Variants in MICALL2 observed in about 807,000 individuals in gnomAD.
MICALL2 encodes the protein MICAL-like protein 2.
Under a neutral mutation model 91.1 loss-of-function variants are expected in MICALL2, and 111 were observed. The ratio of observed to expected loss-of-function variants is 1.22; its 90% confidence interval spans 1.04 to 1.43. The LOEUF (loss-of-function observed/expected upper bound fraction) is 1.43. MICALL2 is among the 40% of genes most tolerant of loss of function. The pLI, the probability that MICALL2 is intolerant of heterozygous loss-of-function variation, is 0.00. For missense variants in MICALL2, 1,556 were observed against 1,236.0 expected (o/e 1.26, Z -3.88); for synonymous variants, 694 against 525.3 (o/e 1.32, Z -4.39).
At chr7:1,446,138 C>T (rs113808515) in intron 5 of MICALL2, among the ~76,000 whole-genome samples, 1,130 of 72,002 alleles carry the variant, frequency 0.016, 38 homozygotes, top group African/African-American at 0.061. Context: ...AGCAACAGAG[C>T]GGGGGGTGGG....
chr7:1,434,390 G>A lies in MICALL2; in HGVS notation c.*206C>T. 2.9e-6 allele frequency: 2 copies of A among 683,684 alleles called. No individual in the cohort carries two copies. Among genetic ancestry groups the A allele is most frequent in the Admixed American group, 2.1e-5 (1 of 48,766 alleles). The allele number at this position is 683,684 out of a possible 1,614,324, so 42.4% of individuals were successfully genotyped here. On this transcript the variant is annotated 3_prime_UTR_variant, in exon 17 of 17. Transcript: ENST00000297508. ...GCCATGTGGTCGGTTTCTTTATTGA[G>A]ACCACAGACGGTAGCGCAGGTCCCT...
rs751058585 is a variant in MICALL2 at position 1,436,712 on chromosome 7, T to A, written c.2591+30A>T. 1.4e-5 allele frequency: 22 copies of A among 1,564,252 alleles called. No homozygotes were observed. In the Admixed American group the frequency reaches 2.1e-4, roughly 15 times the overall value. On this transcript the variant is annotated intron_variant, in intron 15 of 16. Coordinates refer to ENST00000297508, the MANE Select transcript of MICALL2 (RefSeq NM_182924.4). ...CATGGACCAGGCGACCTGGCCTGGC[T>A]GGGAGGGGCCCCCGGCACCTGCCCC...
intron 9 of MICALL2, chr7:1,439,672 C>A (rs1012474579): frequency 2.5e-6 from 1 of 404,858 alleles, no homozygotes; most frequent in Non-Finnish European, 4.3e-6. Context: ...CACATGAACA[C>A]AGATGTACAC....
rs1347945541 is a variant in MICALL2, at chr7:1,445,382, T to A, written c.688A>T (p.Thr230Ser). The A allele has an allele frequency of 6.3e-7, 1 of 1,580,882 alleles. No individual in the cohort carries two copies. The highest frequency in any genetic ancestry group is 2.3e-5 in the East Asian group (1 of 43,606). The change falls in exon 6 of 17, where the codon ACA becomes TCA. Residue 230 changes from threonine (T) to serine (S), a missense_variant. Thr to Ser is a moderately conservative substitution (Grantham distance 58). Transcript: ENST00000297508. Reference protein sequence around the residue: ...CTLHSGAYKATGEPGTFVCTS... With the variant: ...CTLHSGAYKASGEPGTFVCTS... The stretch of plus-strand genomic sequence containing the variant: ...CAGACGAAGGTGCCCGGCTCTCCTG[T>A]GGCCTTGTAGGCCCCCGAGTGCAGC...
At position 1,445,354 on chromosome 7, in the gene MICALL2, G is replaced by C. The variant is rs1206963897; in HGVS notation, c.716C>G (p.Thr239Ser). The C allele has an allele frequency of 6.3e-7, 1 of 1,598,348 alleles. No individual in the cohort carries two copies. The highest frequency in any genetic ancestry group is 8.5e-7 in the Non-Finnish European group (1 of 1,176,694). ...ATGEPGTFVC[T>S]SHLPAAASAS... ...AGAGGCGGCTGCGGGGAGGTGGCTGGTGCAGACGAAGGTGCCCGGCTCTCC... is the reference window on the plus strand; with the variant it reads ...AGAGGCGGCTGCGGGGAGGTGGCTGCTGCAGACGAAGGTGCCCGGCTCTCC... Residue 239 changes from threonine (T) to serine (S), a missense_variant, in exon 6 of 17, where the codon ACC becomes AGC. Coordinates refer to ENST00000297508, the MANE Select transcript of MICALL2 (RefSeq NM_182924.4).
rs1002136235 is a variant in MICALL2 at position 1,447,674 on chromosome 7, G to A, written c.426C>T (p.Pro142=). 1 of 1,585,674 alleles carries A rather than the reference G, an allele frequency of 6.3e-7. No homozygotes were observed. Among genetic ancestry groups the A allele is most frequent in the South Asian group, 1.2e-5 (1 of 86,898 alleles). Residue 142 remains proline (P), a synonymous_variant, in exon 4 of 17, where the codon CCC becomes CCT. Coordinates refer to ENST00000297508, the MANE Select transcript of MICALL2 (RefSeq NM_182924.4). ...GAGGCTTCCGGGCTGGGGCGGGCGAGGGCAGCTTGGCCGCCTGGACTGGAG... is the reference window on the plus strand; with the variant it reads ...GAGGCTTCCGGGCTGGGGCGGGCGAAGGCAGCTTGGCCGCCTGGACTGGAG... The part of the protein sequence containing the change: ...KKAPVQAAKL[P]SPAPARKPPL...
In MICALL2 at chr7:1,435,136, T is replaced by C; in HGVS notation, c.2603A>G (p.Glu868Gly). ...AATCATGTCCCGCAGCATCTGATCC[T>C]CCTCTTGTTCCCTGAAACGGGACCA... ...LDEDRLREQE[E>G]DQMLRDMIEK... The change falls in exon 16 of 17, where the codon GAG (glutamate) becomes GGG (glycine). Residue 868 changes from glutamate to glycine, a missense_variant. By Grantham distance (98) the Glu-to-Gly change is moderately conservative. Coordinates refer to ENST00000297508, the MANE Select transcript of MICALL2 (RefSeq NM_182924.4). 1 of 1,613,298 alleles carries C rather than the reference T, an allele frequency of 6.2e-7. No individual in the cohort carries two copies. The highest frequency in any genetic ancestry group is 2.2e-5 in the East Asian group (1 of 44,846).
chr7:1,439,100 C>A, intron 9 of MICALL2, 105 bp from the exon 10 acceptor site: 1 of 931,672 alleles, frequency 1.1e-6, no homozygotes, highest in Non-Finnish European at 1.6e-6. Flanking sequence ...CCGGCCATCC[C>A]CATGCCCTGG....
intron 13 of MICALL2, 54 bp downstream of exon 13, chr7:1,437,836 C>T: frequency 6.7e-7 from 1 of 1,497,478 alleles, no homozygotes; most frequent in Non-Finnish European, 9.1e-7. Flanking sequence ...CTGGCCTGCC[C>T]AGCCCGCAAC....
intron 14 of MICALL2, 47 bp downstream of exon 14, chr7:1,437,488 G>A (rs1465547227): frequency 2.8e-5 from 41 of 1,480,644 alleles, no homozygotes; most frequent in South Asian, 1.3e-4. Flanking sequence ...CCTGGGCTCC[G>A]CGGCATCCCT....
At chr7:1,456,037 C>T (rs946115006) in intron 1 of MICALL2, among the ~76,000 whole-genome samples, 1 of 151,910 alleles carries the variant, frequency 6.6e-6, no homozygotes, top group Non-Finnish European at 1.5e-5. Flanking sequence ...GAGACCTCCA[C>T]CCCAGCCACC....
Position 1,451,619 on chromosome 7 carries a change from C to G in MICALL2, c.144-1331G>C, listed in dbSNP as rs981483143. On this transcript the variant is annotated intron_variant, in intron 1 of 16. Transcript: ENST00000297508. The surrounding 1 kb of genome is among the most constrained non-coding windows in gnomAD (Gnocchi z 4.5). ...GACTGTTCTAGAAGCTTCCTGGCCCCACAGAGGGAGCTGGGGCTGCAAGCC... is the reference window on the plus strand; with the variant it reads ...GACTGTTCTAGAAGCTTCCTGGCCCGACAGAGGGAGCTGGGGCTGCAAGCC... 1.8e-4 allele frequency among the ~76,000 whole-genome samples: 27 copies of G among 152,194 alleles called. No individual in the cohort carries two copies. The highest frequency in any genetic ancestry group is 2.9e-4 in the Non-Finnish European group (20 of 68,030).
intron 16 of MICALL2, 78 bp from the exon 17 acceptor site, chr7:1,434,750 G>T: frequency 7.2e-7 from 1 of 1,394,808 alleles, no homozygotes; most frequent in Non-Finnish European, 9.7e-7. Flanking sequence ...CCCCCTGCCA[G>T]AAACATCCTT....
In MICALL2 at chr7:1,452,172, T is replaced by C. The variant is rs1322954548; in HGVS notation, c.144-1884A>G. On this transcript the variant is annotated intron_variant, in intron 1 of 16. Coordinates refer to ENST00000297508, the MANE Select transcript of MICALL2 (RefSeq NM_182924.4). This position sits in a 1 kb window ranked among gnomAD's most constrained non-coding sequence, Gnocchi z 6.2. ...CACCCGTCTGCACAGGCGGAGCTTCTGCACGCCGGACAAGATGGGGCGCGG... is the reference window on the plus strand; with the variant it reads ...CACCCGTCTGCACAGGCGGAGCTTCCGCACGCCGGACAAGATGGGGCGCGG... 6.6e-6 allele frequency among the ~76,000 whole-genome samples: 1 copy of C among 152,198 alleles called. No homozygotes were observed. The highest frequency in any genetic ancestry group is 6.5e-5 in the Admixed American group (1 of 15,282).
intron 9 of MICALL2, 44 bp downstream of exon 9, chr7:1,439,881 C>T: frequency 7.2e-7 from 1 of 1,385,374 alleles, no homozygotes; most frequent in Non-Finnish European, 9.3e-7. Flanking sequence ...AGGGGGAGGG[C>T]CAGCTAGGCA....
At chr7:1,437,810 C>CACTCCT in intron 13 of MICALL2, 80 bp downstream of exon 13, 1 of 1,370,920 alleles carries the variant, frequency 7.3e-7, no homozygotes. Flanking sequence ...CCTGACTCTG[C>CACTCCT]GCTCCTGTCC....
Position 1,435,141 on chromosome 7 carries a change from T to G in MICALL2, c.2598A>C (p.Gln866His). The change falls in exon 16 of 17, where the codon CAA (glutamine) becomes CAC (histidine). Residue 866 changes from glutamine to histidine, a missense_variant. Physicochemically the swap from Gln to His is conservative, Grantham distance 24. Coordinates refer to ENST00000297508, the MANE Select transcript of MICALL2 (RefSeq NM_182924.4). ...TGTCCCGCAGCATCTGATCCTCCTC[T>G]TGTTCCCTGAAACGGGACCAGATGG... ...DSLDEDRLRE[Q>H]EEDQMLRDMI... The G allele has an allele frequency of 6.2e-7, 1 of 1,613,454 alleles. No homozygotes were observed. The highest frequency in any genetic ancestry group is 8.5e-7 in the Non-Finnish European group (1 of 1,179,940).
chr7:1,447,173 G>A (rs1006117583), intron 4 of MICALL2, among the ~76,000 whole-genome samples: 5 of 152,168 alleles, frequency 3.3e-5, no homozygotes, highest in African/African-American at 9.7e-5. Context: ...CATAGCAGGG[G>A]CTGCCAACCA....
rs1780703563 is a variant in MICALL2 at position 1,448,697 on chromosome 7, G to C, written c.257C>G (p.Ala86Gly). ...PALLDAEDMVALKVPDRLSIL... is the reference protein window; with the variant it reads ...PALLDAEDMVGLKVPDRLSIL... ...GCTCAGCCGGTCAGGCACCTTCAAG[G>C]CCACCATGTCCTCGGCATCCAGCAA... is the stretch of plus-strand genomic sequence containing the variant. Residue 86 changes from alanine (A) to glycine (G), a missense_variant, in exon 3 of 17, where the codon GCC becomes GGC. Coordinates refer to ENST00000297508, the MANE Select transcript of MICALL2 (RefSeq NM_182924.4). 3.7e-6 allele frequency: 6 copies of C among 1,612,752 alleles called. No individual in the cohort carries two copies.
Sources: gnomAD v4.1 joint callset for allele counts (sites outside exome capture counted in the v4.1 genomes callset) on GRCh38, gnomAD v4.1.1 for gene constraint, Gnocchi (gnomAD v3.1) non-coding constraint, MANE v1.5 for transcripts, NCBI Gene and HGNC (gene_info 2026-07-23, HGNC 2026-07-21) for gene names.